CDH18: variants seen among roughly 807,000 people sequenced by gnomAD.
The protein encoded by CDH18 is cadherin-18.
A neutral mutation model predicts 67.9 loss-of-function variants in CDH18; 31 were observed. The ratio of observed to expected loss-of-function variants is 0.46; its 90% confidence interval spans 0.34 to 0.62. The LOEUF (loss-of-function observed/expected upper bound fraction) is 0.62, where lower values mean the gene tolerates loss of function less well. Ranked by LOEUF, CDH18 falls within the 20% of genes least tolerant of loss-of-function variation. The probability of loss-of-function intolerance (pLI) is 0.01; values close to 1 mark genes in which losing one functional copy is unlikely to be tolerated. For synonymous variants in CDH18, 362 were observed against 347.2 expected (o/e 1.04, Z -0.48); for missense variants, 890 against 975.5 (o/e 0.91, Z 1.17).
intron 1 of CDH18, among the ~76,000 whole-genome samples, chr5:20,362,388 T>G (rs1385137521): frequency 6.6e-6 from 1 of 152,184 alleles, no homozygotes. Context: ...GCATGTGAAC[T>G]AAGTACTCAT....
intron 2 of CDH18, among the ~76,000 whole-genome samples, chr5:19,942,661 C>T (rs957375741): frequency 5.3e-5 from 8 of 152,124 alleles, no homozygotes; most frequent in African/African-American, 1.9e-4. Context: ...TGTCACCCTT[C>T]TTATCTAATT....
chr5:20,328,844 A>G (rs1185966414), intron 1 of CDH18, among the ~76,000 whole-genome samples: 1 of 152,116 alleles, frequency 6.6e-6, no homozygotes, highest in East Asian at 1.9e-4. Flanking sequence ...TGTGGCACAT[A>G]GTGCCTTGTG....
chr5:20,518,998 T>C (rs1167327968), intron 1 of CDH18, among the ~76,000 whole-genome samples: 1 of 152,134 alleles, frequency 6.6e-6, no homozygotes, highest in Non-Finnish European at 1.5e-5. Context: ...CTGATGACTA[T>C]ATATTAGTAT....
At chr5:19,893,956 TGCATTGTCAAAC>T (rs1445316367) in intron 2 of CDH18, among the ~76,000 whole-genome samples, 2 of 152,172 alleles carry the variant, frequency 1.3e-5, no homozygotes, top group African/African-American at 4.8e-5. Flanking sequence ...AGAAGTAATT[TGCATTGTCAAAC>T]CTATCATTAT....
At chr5:19,844,091 C>G (rs992603359) in intron 2 of CDH18, among the ~76,000 whole-genome samples, 1 of 152,094 alleles carries the variant, frequency 6.6e-6, no homozygotes, top group Admixed American at 6.6e-5. Flanking sequence ...AGACTTTGGA[C>G]TTGGACATTT....
At chr5:20,223,126 G>A (rs1432888688) in intron 2 of CDH18, among the ~76,000 whole-genome samples, 1 of 152,076 alleles carries the variant, frequency 6.6e-6, no homozygotes, top group Non-Finnish European at 1.5e-5. Context: ...GCCAACCCGT[G>A]AAAGCAGCCA....
At chr5:20,371,590 T>C (rs774425897) in intron 1 of CDH18, among the ~76,000 whole-genome samples, 2 of 152,062 alleles carry the variant, frequency 1.3e-5, no homozygotes, top group Non-Finnish European at 2.9e-5. Context: ...GTGCCTGCAA[T>C]GGGAAGCAAA....
intron 2 of CDH18, among the ~76,000 whole-genome samples, chr5:20,232,579 A>AT (rs1046007823): frequency 4.6e-5 from 7 of 151,914 alleles, no homozygotes; most frequent in Admixed American, 2.6e-4. Context: ...AAAAGTCATT[A>AT]TTTTTTTCTT....
chr5:19,731,839 C>T (rs551976726), intron 4 of CDH18, among the ~76,000 whole-genome samples: 58 of 152,236 alleles, frequency 3.8e-4, no homozygotes, highest in Middle Eastern at 3.4e-3. Flanking sequence ...CTTGCAATCC[C>T]AGCACGCTGG....
intron 2 of CDH18, among the ~76,000 whole-genome samples, chr5:20,022,116 T>C (rs183627046): frequency 6.6e-6 from 1 of 152,356 alleles, no homozygotes; most frequent in East Asian, 1.9e-4. Context: ...CCAACTAGTA[T>C]TGTGTTTCAC....
chr5:19,496,633 T>C (rs1742371116), intron 11 of CDH18, among the ~76,000 whole-genome samples: 1 of 151,908 alleles, frequency 6.6e-6, no homozygotes, highest in South Asian at 2.1e-4. Context: ...GCCAACATGG[T>C]AAACCCTGTC....
chr5:19,854,530 A>C (rs1327068730), intron 2 of CDH18, among the ~76,000 whole-genome samples: 1 of 152,120 alleles, frequency 6.6e-6, no homozygotes, highest in East Asian at 1.9e-4. Flanking sequence ...ATACTCATGG[A>C]AAATGACATA....
intron 2 of CDH18, among the ~76,000 whole-genome samples, chr5:20,051,945 G>T (rs1357070643): frequency 5.3e-5 from 8 of 151,884 alleles, no homozygotes; most frequent in Non-Finnish European, 1.0e-4. Flanking sequence ...TAGCATTTGG[G>T]CCCCCTCTTT....
At chr5:20,471,724 C>T (rs1416727637) in intron 1 of CDH18, among the ~76,000 whole-genome samples, 2 of 147,714 alleles carry the variant, frequency 1.4e-5, no homozygotes, top group East Asian at 4.2e-4. Flanking sequence ...ATAGATTGAA[C>T]CCGGGAGGCG....
At chr5:19,749,681 T>C (rs1028610308) in intron 3 of CDH18, among the ~76,000 whole-genome samples, 4 of 150,960 alleles carry the variant, frequency 2.6e-5, no homozygotes, top group Non-Finnish European at 5.9e-5. Flanking sequence ...AAGCATCTAT[T>C]AAATATATAT....
At chr5:20,203,596 A>AGAGAGAGAGC (rs1739628768) in intron 2 of CDH18, among the ~76,000 whole-genome samples, 1 of 151,374 alleles carries the variant, frequency 6.6e-6, no homozygotes, top group African/African-American at 2.4e-5. Flanking sequence ...AGAGAGAGAG[A>AGAGAGAGAGC]GAGAAATTCA....
At chr5:20,293,090 G>A (rs1236143076) in intron 1 of CDH18, among the ~76,000 whole-genome samples, 1 of 152,092 alleles carries the variant, frequency 6.6e-6, no homozygotes, top group Non-Finnish European at 1.5e-5. Flanking sequence ...GCCGAGGAGG[G>A]CTGATCACCT....
rs75108202 is a variant in CDH18 at position 20,425,791 on chromosome 5, A to G, written c.-580+149671T>C. On this transcript the variant is annotated intron_variant, in intron 1 of 14. Coordinates refer to the CDH18 transcript ENST00000507958. ...CATATTTAGCTTGAAATTCAGCCAT[A>G]CATATTAATATTTTGAATTCTGTAA... Among the ~76,000 whole-genome samples, 65 of 151,248 alleles carry G rather than the reference A, an allele frequency of 4.3e-4. No homozygotes were observed. The East Asian group carries it at 0.012, about 27-fold the overall frequency.
intron 2 of CDH18, among the ~76,000 whole-genome samples, chr5:20,031,140 A>AT (rs1739357211): frequency 6.6e-6 from 1 of 152,066 alleles, no homozygotes; most frequent in African/African-American, 2.4e-5. Flanking sequence ...AAAGTTATAG[A>AT]TAAAATAGTT....
Sources: allele counts gnomAD v4.1 joint callset (sites outside exome capture counted in the v4.1 genomes callset), GRCh38; gene constraint gnomAD v4.1.1; transcripts MANE v1.5; gene names NCBI Gene and HGNC (gene_info 2026-07-23, HGNC 2026-07-21).